MTUS2: variants seen among roughly 807,000 people sequenced by gnomAD.
MTUS2 encodes the protein microtubule associated scaffold protein 2, also known as microtubule-associated tumor suppressor candidate 2.
MTUS2 carries 40 observed loss-of-function variants against 114.1 expected under a neutral mutation model. The ratio of observed to expected loss-of-function variants is 0.35; its 90% confidence interval spans 0.27 to 0.46. The LOEUF (loss-of-function observed/expected upper bound fraction) is 0.46. Among genes scored for constraint, MTUS2 ranks in the 20% least tolerant of loss-of-function variants. MTUS2 has a pLI of 1.00. For missense variants in MTUS2, 1,679 were observed against 1,705.4 expected, an observed-to-expected ratio of 0.98 and a Z score of 0.27; for synonymous variants, 688 against 672.0, an observed-to-expected ratio of 1.02 and a Z score of -0.37.
intron 7 of MTUS2, among the ~76,000 whole-genome samples, chr13:29,352,553 C>CTT (rs1869381603): frequency 6.6e-6 from 1 of 152,142 alleles, no homozygotes; most frequent in African/African-American, 2.4e-5. Context: ...CACTAGTCTA[C>CTT]TTTTTTGTTT....
intron 2 of MTUS2, among the ~76,000 whole-genome samples, chr13:28,876,258 C>T (rs1351820509): frequency 1.3e-5 from 2 of 152,132 alleles, no homozygotes; most frequent in Non-Finnish European, 2.9e-5. Flanking sequence ...GTGTTCCTCC[C>T]TAGATTAGAG....
At chr13:28,988,786 A>G (rs922755944) in intron 2 of MTUS2, among the ~76,000 whole-genome samples, 1 of 152,198 alleles carries the variant, frequency 6.6e-6, no homozygotes, top group Non-Finnish European at 1.5e-5. Flanking sequence ...TTTTTATTAA[A>G]GAAGAGATTA....
At chr13:29,225,962 A>G (rs1896091524) in intron 5 of MTUS2, among the ~76,000 whole-genome samples, 1 of 152,228 alleles carries the variant, frequency 6.6e-6, no homozygotes, top group African/African-American at 2.4e-5. Context: ...TAGAACAACA[A>G]TGGTAATCAA....
chr13:29,196,132 T>C (rs1481398447), intron 5 of MTUS2, among the ~76,000 whole-genome samples: 1 of 151,424 alleles, frequency 6.6e-6, no homozygotes, highest in African/African-American at 2.4e-5. Flanking sequence ...AGTCTCGCTC[T>C]GTCGCCGAGG....
At position 29,497,334 on chromosome 13, in the gene MTUS2, G is replaced by A. The variant is rs1440637236; in HGVS notation, c.3676G>A (p.Glu1226Lys). Residue 1226 changes from glutamate to lysine, a missense_variant and splice_region_variant, in exon 13 of 16, where the codon GAG becomes AAG. Glu to Lys is a moderately conservative substitution (Grantham distance 56). Coordinates refer to ENST00000612955, the MANE Select transcript of MTUS2 (RefSeq NM_001033602.4). The stretch of plus-strand genomic sequence containing the variant: ...GAGGAAGAACACAGAGGAGCAGCTG[G>A]AGGTCGTTTCTGGATTCCAGGCTTC... ...ALRKNTEEQL[E>K]IALAPYQHLE... 1 of 1,610,276 alleles carries A rather than the reference G, an allele frequency of 6.2e-7. No homozygotes were observed. The highest frequency in any genetic ancestry group is 8.5e-7 in the Non-Finnish European group (1 of 1,179,102).
intron 10 of MTUS2, among the ~76,000 whole-genome samples, chr13:29,486,323 G>A (rs1348745970): frequency 1.3e-5 from 2 of 152,226 alleles, no homozygotes; most frequent in Non-Finnish European, 1.5e-5. Flanking sequence ...TTTACCATAA[G>A]AGAGAGAAGT....
At chr13:29,286,672 G>GTCTA (rs1555261573) in intron 6 of MTUS2, among the ~76,000 whole-genome samples, 2,100 of 111,010 alleles carry the variant, frequency 0.019, 29 homozygotes, top group Middle Eastern at 0.029. Context: ...CTGTCTGTCT[G>GTCTA]TCTATCTATC....
At chr13:28,910,736 A>G (rs373843300) in intron 2 of MTUS2, among the ~76,000 whole-genome samples, 4 of 151,202 alleles carry the variant, frequency 2.6e-5, no homozygotes, top group Middle Eastern at 7.0e-3. Context: ...GCTGCATAGT[A>G]TTCCATAATG....
At chr13:29,367,303 G>A (rs938079811) in intron 8 of MTUS2, among the ~76,000 whole-genome samples, 2 of 152,084 alleles carry the variant, frequency 1.3e-5, no homozygotes, top group African/African-American at 4.8e-5. Flanking sequence ...AGCAGAGAGC[G>A]GTGCAGTGTG....
At chr13:29,193,119 G>C (rs1234376773) in intron 5 of MTUS2, among the ~76,000 whole-genome samples, 1 of 152,150 alleles carries the variant, frequency 6.6e-6, no homozygotes, top group African/African-American at 2.4e-5. Context: ...CTGCAGAAAT[G>C]CTGTTAATAT....
At chr13:28,906,565 T>G (rs921979716) in intron 2 of MTUS2, among the ~76,000 whole-genome samples, 1 of 151,648 alleles carries the variant, frequency 6.6e-6, no homozygotes, top group African/African-American at 2.4e-5. Flanking sequence ...TTGAGCAGTT[T>G]TGAGTGGGTT....
chr13:28,890,130 C>CACAG, intron 2 of MTUS2, among the ~76,000 whole-genome samples: 1 of 152,248 alleles, frequency 6.6e-6, no homozygotes, highest in South Asian at 2.1e-4. Context: ...ACTCCATGAT[C>CACAG]ACAGAACTGC....
At chr13:29,235,247 C>T (rs772441060) in intron 5 of MTUS2, among the ~76,000 whole-genome samples, 5 of 152,096 alleles carry the variant, frequency 3.3e-5, no homozygotes, top group Admixed American at 2.6e-4. Flanking sequence ...GCATGCGCCA[C>T]CACGCCTGGC....
At chr13:29,236,085 T>G (rs1005265603) in intron 5 of MTUS2, among the ~76,000 whole-genome samples, 1 of 152,176 alleles carries the variant, frequency 6.6e-6, no homozygotes, top group Non-Finnish European at 1.5e-5. Flanking sequence ...GTATATTGAG[T>G]TTTTTTCCTC....
At chr13:29,406,863 T>C (rs1364591380) in intron 8 of MTUS2, among the ~76,000 whole-genome samples, 2 of 152,256 alleles carry the variant, frequency 1.3e-5, no homozygotes, top group Non-Finnish European at 2.9e-5. Flanking sequence ...TGTTTCTAGG[T>C]TGATACATTT....
intron 8 of MTUS2, among the ~76,000 whole-genome samples, chr13:29,408,336 C>T (rs1874948873): frequency 6.6e-6 from 1 of 151,962 alleles, no homozygotes; most frequent in Non-Finnish European, 1.5e-5. Context: ...ATTATTTTGA[C>T]ACAGGGTCTT....
At chr13:29,471,071 G>A (rs559182732) in intron 9 of MTUS2, among the ~76,000 whole-genome samples, 106 of 152,174 alleles carry the variant, frequency 7.0e-4, no homozygotes, top group African/African-American at 2.3e-3. Flanking sequence ...GGCGGGGCGG[G>A]GTGGCTCACA....
At chr13:29,486,947 C>T (rs1298640099) in intron 10 of MTUS2, among the ~76,000 whole-genome samples, 1 of 152,092 alleles carries the variant, frequency 6.6e-6, no homozygotes, top group Non-Finnish European at 1.5e-5. Context: ...AAAACAACAG[C>T]CACAATGACA....
chr13:29,238,206 T>A (rs1896607645), intron 5 of MTUS2, among the ~76,000 whole-genome samples: 1 of 152,160 alleles, frequency 6.6e-6, no homozygotes, highest in Non-Finnish European at 1.5e-5. Context: ...TAGCATACAA[T>A]GGAATGTTGT....
Sources: allele counts gnomAD v4.1 joint callset (sites outside exome capture counted in the v4.1 genomes callset), GRCh38; gene constraint gnomAD v4.1.1; transcripts MANE v1.5; gene names NCBI Gene and HGNC (gene_info 2026-07-23, HGNC 2026-07-21).